Variants in IKZF2 observed in about 807,000 individuals in gnomAD.
IKZF2 encodes zinc finger protein Helios.
Under a neutral mutation model 49.2 loss-of-function variants are expected in IKZF2, and 15 were observed. The observed-to-expected ratio is 0.30, with a 90% CI of 0.20 to 0.47. IKZF2 has a LOEUF of 0.47. IKZF2 is among the 20% of genes least tolerant of loss of function. The pLI is 1.00. For missense variants in IKZF2, 567 were observed against 664.6 expected, an observed-to-expected ratio of 0.85 and a Z score of 1.61; for synonymous variants, 227 against 221.4, an observed-to-expected ratio of 1.03 and a Z score of -0.23.
chr2:213,063,697 G>T (rs556713664), intron 4 of IKZF2, among the ~76,000 whole-genome samples: 2 of 152,106 alleles, frequency 1.3e-5, no homozygotes, highest in African/African-American at 4.8e-5. Context: ...TGGTTGTTAA[G>T]TGGCTATTGA....
chr2:213,024,068 T>A (rs1270174235), intron 6 of IKZF2, among the ~76,000 whole-genome samples: 1 of 152,152 alleles, frequency 6.6e-6, no homozygotes, highest in Non-Finnish European at 1.5e-5. Context: ...TACTATCCCA[T>A]CTGCTTTATT....
chr2:213,140,841 G>C (rs1329056944), intron 4 of IKZF2, among the ~76,000 whole-genome samples: 1 of 151,934 alleles, frequency 6.6e-6, no homozygotes, highest in Non-Finnish European at 1.5e-5. Context: ...GAATTACTTA[G>C]ACATGAATGT....
chr2:213,097,971 G>T (rs1314649991), intron 4 of IKZF2: 1 of 307,978 alleles, frequency 3.2e-6, no homozygotes, highest in Non-Finnish European at 6.6e-6. Context: ...CTATAAATTA[G>T]AGAAAGCTTT....
At chr2:213,009,832 C>T (rs1695755331) in intron 8 of IKZF2, among the ~76,000 whole-genome samples, 1 of 151,948 alleles carries the variant, frequency 6.6e-6, no homozygotes, top group Non-Finnish European at 1.5e-5. Context: ...TGATTGTAAA[C>T]ATAGCCAAGT....
intron 6 of IKZF2, among the ~76,000 whole-genome samples, chr2:213,040,773 A>G (rs923104286): frequency 1.8e-4 from 28 of 152,216 alleles, no homozygotes; most frequent in Non-Finnish European, 4.0e-4. Flanking sequence ...AAAATCTGAG[A>G]CAAAACTAAT....
intron 5 of IKZF2, among the ~76,000 whole-genome samples, chr2:213,052,095 G>A (rs756066309): frequency 2.3e-4 from 35 of 152,020 alleles, no homozygotes; most frequent in Admixed American, 5.9e-4. Flanking sequence ...AGTTTTATGC[G>A]ATTAATGAAA....
chr2:213,135,680 A>G (rs1249522558), intron 4 of IKZF2, among the ~76,000 whole-genome samples: 1 of 151,778 alleles, frequency 6.6e-6, no homozygotes, highest in Non-Finnish European at 1.5e-5. Context: ...ACAAGACCCC[A>G]TCTCAGGAAA....
At chr2:213,084,587 T>C (rs1235354936) in intron 4 of IKZF2, among the ~76,000 whole-genome samples, 1 of 122,200 alleles carries the variant, frequency 8.2e-6, no homozygotes, top group Non-Finnish European at 1.7e-5. Context: ...TGTATCTATG[T>C]CACTCTAAAA....
chr2:213,073,159 T>C (rs1339230714), intron 4 of IKZF2, among the ~76,000 whole-genome samples: 1 of 152,108 alleles, frequency 6.6e-6, no homozygotes, highest in Non-Finnish European at 1.5e-5. Context: ...AAGTGGAAAA[T>C]GAAGACTGTT....
chr2:213,090,732 A>G (rs1203645608), intron 4 of IKZF2, among the ~76,000 whole-genome samples: 1 of 152,168 alleles, frequency 6.6e-6, no homozygotes, highest in Non-Finnish European at 1.5e-5. Context: ...TGCTGTGAAC[A>G]TGAAGGCAAA....
chr2:213,048,202 C>A (rs548770772), intron 6 of IKZF2, among the ~76,000 whole-genome samples: 2 of 152,020 alleles, frequency 1.3e-5, no homozygotes, highest in South Asian at 4.2e-4. Flanking sequence ...TATATATCTG[C>A]AAAAATCATA....
intron 4 of IKZF2, among the ~76,000 whole-genome samples, chr2:213,082,591 C>A (rs1379722846): frequency 1.3e-5 from 2 of 152,198 alleles, no homozygotes; most frequent in African/African-American, 4.8e-5. Context: ...GAACTTAACA[C>A]ATATATAGTC....
At chr2:213,149,950 G>A (rs1335897477) in intron 2 of IKZF2, among the ~76,000 whole-genome samples, 194 bp downstream of exon 2, 3 of 152,018 alleles carry the variant, frequency 2.0e-5, no homozygotes, top group Admixed American at 1.3e-4. Context: ...TTTAAAAGAG[G>A]AGCAGTTTCT....
intron 4 of IKZF2, among the ~76,000 whole-genome samples, chr2:213,108,618 T>C (rs2059607542): frequency 6.6e-6 from 1 of 152,288 alleles, no homozygotes; most frequent in South Asian, 2.1e-4. Flanking sequence ...TGCCAACTTC[T>C]ACTCTTCTGG....
intron 6 of IKZF2, among the ~76,000 whole-genome samples, chr2:213,046,894 G>C (rs971838303): frequency 6.6e-6 from 1 of 151,854 alleles, no homozygotes; most frequent in Admixed American, 6.6e-5. Flanking sequence ...ATGGGAGTAG[G>C]GACACAGAAA....
chr2:213,078,072 C>G (rs1284559457), intron 4 of IKZF2, among the ~76,000 whole-genome samples: 1 of 151,992 alleles, frequency 6.6e-6, no homozygotes, highest in Non-Finnish European at 1.5e-5. Context: ...CTGATAAACG[C>G]ACATATTCCT....
At chr2:213,031,233 C>T (rs1414429083) in intron 6 of IKZF2, among the ~76,000 whole-genome samples, 2 of 152,204 alleles carry the variant, frequency 1.3e-5, no homozygotes, top group African/African-American at 2.4e-5. Context: ...TCCATGTCCA[C>T]GTTCTAGGTG....
chr2:213,046,672 C>T (rs1331221661), intron 6 of IKZF2, among the ~76,000 whole-genome samples: 1 of 152,142 alleles, frequency 6.6e-6, no homozygotes, highest in African/African-American at 2.4e-5. Flanking sequence ...AATTGGACGA[C>T]TGGTGACAGA....
At chr2:213,128,812 T>C (rs1443712064) in intron 4 of IKZF2, among the ~76,000 whole-genome samples, 3 of 147,028 alleles carry the variant, frequency 2.0e-5, no homozygotes, top group Non-Finnish European at 3.0e-5. Context: ...TTCTTTTTTT[T>C]TTTTTTTTTT....
Sources: gnomAD v4.1 joint callset for allele counts (sites outside exome capture counted in the v4.1 genomes callset) on GRCh38, gnomAD v4.1.1 for gene constraint, MANE v1.5 for transcripts, NCBI Gene and HGNC (gene_info 2026-07-23, HGNC 2026-07-21) for gene names.